Variants in PATJ observed in about 807,000 individuals in gnomAD.
The protein encoded by PATJ is inaD-like protein.
In PATJ, 190 loss-of-function variants were observed where a neutral mutation model predicts 224.9. The observed-to-expected ratio is 0.84, with a 90% CI of 0.75 to 0.95. The LOEUF (loss-of-function observed/expected upper bound fraction) is 0.95. PATJ is among the 40% of genes least tolerant of loss of function. The probability of loss-of-function intolerance (pLI) is 0.00; values close to 1 mark genes in which losing one functional copy is unlikely to be tolerated. For missense variants in PATJ, 2,121 were observed against 2,270.3 expected (o/e 0.93, Z 1.34); for synonymous variants, 769 against 820.3 (o/e 0.94, Z 1.07).
At chr1:61,855,519 G>A (rs1352206222) in intron 17 of PATJ, among the ~76,000 whole-genome samples, 1 of 151,954 alleles carries the variant, frequency 6.6e-6, no homozygotes. Context: ...TTCCACCTCA[G>A]CACCCCCTGC....
intron 1 of PATJ, among the ~76,000 whole-genome samples, chr1:61,757,321 C>G (rs1451594063): frequency 2.0e-5 from 3 of 152,080 alleles, no homozygotes; most frequent in Admixed American, 2.0e-4. Context: ...ATTCTTGAAC[C>G]TTGGCTTCCT....
chr1:62,136,477 TTGTGTGTGTGTG>T (rs111398189), intron 41 of PATJ, among the ~76,000 whole-genome samples: 1 of 149,108 alleles, frequency 6.7e-6, no homozygotes, highest in Non-Finnish European at 1.5e-5. Context: ...TGGGCTTTTC[TTGTGTGTGTGTG>T]TGTGTGTGTG....
Position 61,881,407 on chromosome 1 carries a change from A to T in PATJ, c.2960-2830A>T, listed in dbSNP as rs997881600. ...TCCATGAACCACAGTTAAAACAGTT[A>T]TTTTTTTTTTTTTTTTTTTTTGAGA... On this transcript the variant is annotated intron_variant, in intron 21 of 43. Coordinates refer to ENST00000642238, the MANE Select transcript of PATJ (RefSeq NM_001350145.3). Among the ~76,000 whole-genome samples, 973 of 110,100 alleles carry T rather than the reference A, an allele frequency of 8.8e-3. 11 individuals are homozygous for T. The highest frequency in any genetic ancestry group is 0.032 in the African/African-American group (925 of 28,990). The allele number at this position is 110,100 out of a possible 152,430, so 72.2% of individuals were successfully genotyped here.
At chr1:61,784,546 A>C (rs1648079354) in intron 7 of PATJ, among the ~76,000 whole-genome samples, 1 of 152,230 alleles carries the variant, frequency 6.6e-6, no homozygotes, top group African/African-American at 2.4e-5. Context: ...TTAAATTAAG[A>C]GTTGAGATAA....
At chr1:61,886,891 G>A (rs562760412) in intron 22 of PATJ, among the ~76,000 whole-genome samples, 14 of 149,754 alleles carry the variant, frequency 9.3e-5, no homozygotes, top group Non-Finnish European at 3.0e-5. Context: ...TGAGGTGGGA[G>A]GACCGTTTAA....
chr1:61,966,608 C>T (rs1682181657), intron 27 of PATJ, among the ~76,000 whole-genome samples: 1 of 151,448 alleles, frequency 6.6e-6, no homozygotes, highest in Non-Finnish European at 1.5e-5. Context: ...ATTGCTTAAA[C>T]CTGGGAGGCA....
chr1:62,101,638 T>C (rs1364937002), intron 33 of PATJ, among the ~76,000 whole-genome samples: 1 of 152,218 alleles, frequency 6.6e-6, no homozygotes, highest in Admixed American at 6.5e-5. Flanking sequence ...ATTTTTTCTT[T>C]AATGTTTTAA....
At chr1:61,753,920 A>G (rs894465314) in intron 1 of PATJ, among the ~76,000 whole-genome samples, 3 of 151,760 alleles carry the variant, frequency 2.0e-5, no homozygotes, top group African/African-American at 4.8e-5. Flanking sequence ...TTAAATTTCT[A>G]TCTCTCTTCA....
At chr1:62,000,274 T>A (rs1481642747) in intron 28 of PATJ, among the ~76,000 whole-genome samples, 1 of 150,994 alleles carries the variant, frequency 6.6e-6, no homozygotes, top group Non-Finnish European at 1.5e-5. Context: ...TGTATACATG[T>A]GCCATGCTGG....
intron 12 of PATJ, among the ~76,000 whole-genome samples, chr1:61,802,937 CT>C (rs796611161): frequency 2.2e-4 from 34 of 152,166 alleles, no homozygotes; most frequent in Admixed American, 8.5e-4. Flanking sequence ...GAAGTTTTGG[CT>C]TTTGGCTTTG....
intron 43 of PATJ, among the ~76,000 whole-genome samples, chr1:62,157,052 GGT>G (rs1196036019): frequency 6.7e-6 from 1 of 150,174 alleles, no homozygotes; most frequent in Non-Finnish European, 1.5e-5. Flanking sequence ...GGCCGGGCAC[GGT>G]GGCTCACGCC....
intron 9 of PATJ, among the ~76,000 whole-genome samples, chr1:61,792,519 T>A (rs983179385): frequency 6.6e-6 from 1 of 152,104 alleles, no homozygotes; most frequent in Non-Finnish European, 1.5e-5. Flanking sequence ...TTTACTTCTT[T>A]TGTTTGTTTA....
chr1:62,016,322 A>G (rs951303350), intron 28 of PATJ, among the ~76,000 whole-genome samples: 6 of 152,232 alleles, frequency 3.9e-5, no homozygotes, highest in African/African-American at 1.4e-4. Flanking sequence ...ACAAAAAAAT[A>G]ACATTTTTAG....
chr1:61,919,993 T>C (rs1006217539), intron 26 of PATJ, among the ~76,000 whole-genome samples: 3 of 152,204 alleles, frequency 2.0e-5, no homozygotes, highest in African/African-American at 7.2e-5. Context: ...TCAAACTAAC[T>C]ATTTGAGTTA....
chr1:62,103,629 C>T (rs1349557046), intron 33 of PATJ, among the ~76,000 whole-genome samples: 4 of 152,074 alleles, frequency 2.6e-5, no homozygotes, highest in Non-Finnish European at 5.9e-5. Context: ...TGGCACATGC[C>T]TGTAGTCCCA....
chr1:62,154,164 G>T (rs959176319), intron 43 of PATJ, among the ~76,000 whole-genome samples: 3 of 152,066 alleles, frequency 2.0e-5, no homozygotes, highest in African/African-American at 7.2e-5. Flanking sequence ...CTAAAGTGCT[G>T]GGATTATAGG....
Position 61,787,915 on chromosome 1 carries a change from T to A in PATJ, c.1011T>A (p.Pro337=). ...DPAGDISVTP[P]APAALPVALP... ...CTGGTGACATTTCAGTCACCCCCCCTGCCCCTGCAGCCTTACCTGTTGCCC... is the reference window on the plus strand; with the variant it reads ...CTGGTGACATTTCAGTCACCCCCCCAGCCCCTGCAGCCTTACCTGTTGCCC... The change falls in exon 8 of 44, where the codon CCT becomes CCA. Residue 337 remains proline (P), a synonymous_variant. Transcript: ENST00000642238. 6.2e-7 allele frequency: 1 copy of A among 1,614,024 alleles called. No individual in the cohort carries two copies. The highest frequency in any genetic ancestry group is 2.2e-5 in the East Asian group (1 of 44,886).
At chr1:61,821,867 G>T (rs1488553451) in intron 14 of PATJ, among the ~76,000 whole-genome samples, 1 of 152,140 alleles carries the variant, frequency 6.6e-6, no homozygotes, top group African/African-American at 2.4e-5. Context: ...AATGGAGTTT[G>T]GTGAATGCCC....
intron 7 of PATJ, among the ~76,000 whole-genome samples, chr1:61,776,339 G>A (rs193193516): frequency 2.6e-5 from 4 of 152,246 alleles, no homozygotes; most frequent in African/African-American, 9.6e-5. Flanking sequence ...GCTAACATTT[G>A]TACTGATGGT....
Sources: gnomAD v4.1 joint callset for allele counts (sites outside exome capture counted in the v4.1 genomes callset) on GRCh38, gnomAD v4.1.1 for gene constraint, MANE v1.5 for transcripts, NCBI Gene and HGNC (gene_info 2026-07-23, HGNC 2026-07-21) for gene names.